ACSL1: variants seen among roughly 807,000 people sequenced by gnomAD.
The protein encoded by ACSL1 is long-chain-fatty-acid--CoA ligase 1.
In ACSL1, 41 loss-of-function variants were observed where a neutral mutation model predicts 98.4. That is an observed-to-expected ratio of 0.42 (90% CI 0.32 to 0.54). The LOEUF is 0.54. Ranked by LOEUF, ACSL1 falls within the 20% of genes least tolerant of loss-of-function variation. The pLI is 0.13. For synonymous variants in ACSL1, 316 were observed against 322.7 expected, an observed-to-expected ratio of 0.98 and a Z score of 0.22; for missense variants, 734 against 883.1, an observed-to-expected ratio of 0.83 and a Z score of 2.14.
At chr4:184,792,470 C>CT (rs1381258946) in intron 2 of ACSL1, among the ~76,000 whole-genome samples, 1 of 152,180 alleles carries the variant, frequency 6.6e-6, no homozygotes, top group Non-Finnish European at 1.5e-5. Flanking sequence ...GGGGCAGGCT[C>CT]TGTCGCCCAG....
chr4:184,760,991 C>T (rs1579829610), intron 17 of ACSL1, among the ~76,000 whole-genome samples: 1 of 152,330 alleles, frequency 6.6e-6, no homozygotes, highest in South Asian at 2.1e-4. Flanking sequence ...GCTCTTGGCC[C>T]TTTGGGAAGA....
At position 184,765,984 on chromosome 4, in the gene ACSL1, C is replaced by T. The variant is rs756415532; in HGVS notation, c.1266G>A (p.Ser422=). ...TCAGCCGGACTCTTCCGCCCAGGCT[C>T]GACTTTCAGGGAGGGAGAGTGGGAG... ...WDRLIFHKVQ[S]SLGGRVRLMV... The change falls in exon 14 of 21, where the codon TCG becomes TCA. Residue 422 remains serine, a splice_region_variant and synonymous_variant. Coordinates refer to ENST00000281455, the MANE Select transcript of ACSL1 (RefSeq NM_001995.5). The T allele has an allele frequency of 1.5e-5, 24 of 1,613,502 alleles. No individual in the cohort carries two copies. The highest frequency in any genetic ancestry group is 3.3e-4 in the Middle Eastern group (2 of 6,080).
intron 2 of ACSL1, chr4:184,798,548 T>C (rs1769860870): frequency 5.4e-6 from 1 of 184,016 alleles, no homozygotes; most frequent in Non-Finnish European, 1.2e-5. Context: ...GCCACTTGCA[T>C]GGGGCTCATC....
At chr4:184,815,332 TA>T (rs1172027364) in intron 1 of ACSL1, among the ~76,000 whole-genome samples, 2 of 152,130 alleles carry the variant, frequency 1.3e-5, no homozygotes, top group African/African-American at 4.8e-5. Context: ...AGCCGCATTG[TA>T]AGGCAACCGT....
rs778054355 is a variant in ACSL1, at chr4:184,768,463, TG to T, written c.994-14del. 1.3e-6 allele frequency: 2 copies of T among 1,598,532 alleles called. No homozygotes were observed. Among genetic ancestry groups the T allele is most frequent in the Non-Finnish European group, 1.7e-6 (2 of 1,175,178 alleles). On this transcript the variant is annotated splice_polypyrimidine_tract_variant and intron_variant, in intron 11 of 20. Transcript: ENST00000281455. ...ACAGCATTACACACTATAGGGGTAA[TG>T]GAAAAAACAAACATTTTATCACCAC...
intron 1 of ACSL1, among the ~76,000 whole-genome samples, chr4:184,819,459 A>G (rs1406198425): frequency 2.0e-5 from 3 of 152,070 alleles, no homozygotes; most frequent in Admixed American, 6.6e-5. Flanking sequence ...TACTCAACAC[A>G]AACTTTATCC....
chr4:184,786,418 GCACACACACACACACACACACA>G (rs61564967), intron 3 of ACSL1, among the ~76,000 whole-genome samples: 4 of 138,844 alleles, frequency 2.9e-5, no homozygotes, highest in Non-Finnish European at 6.5e-5. Flanking sequence ...TGGTGGCAAA[GCACACACACACACACACACACA>G]CACACACACA....
At chr4:184,777,506 GAA>G (rs1765486694) in intron 5 of ACSL1, among the ~76,000 whole-genome samples, 1 of 151,044 alleles carries the variant, frequency 6.6e-6, no homozygotes, top group African/African-American at 2.4e-5. Flanking sequence ...GGGAAGGAAG[GAA>G]AGAGAGAGAG....
chr4:184,766,675 C>T lies in ACSL1; in HGVS notation c.1210G>A (p.Gly404Ser), dbSNP rs1221861406. Residue 404 changes from glycine (G) to serine (S), a missense_variant, in exon 13 of 21, where the codon GGC becomes AGC. By Grantham distance (56) the Gly-to-Ser change is moderately conservative. Transcript: ENST00000281455. The surrounding 1 kb of genome is among the most constrained non-coding windows in gnomAD (Gnocchi z 4.8). The stretch of plus-strand genomic sequence containing the variant: ...CACAGGCTGTTGTTTCTGATGATGC[C>T]GCTGCGAAGCTCTGCTTCTTTCCTC... ...SKRKEAELRSGIIRNNSLWDR... is the reference protein window; with the variant it reads ...SKRKEAELRSSIIRNNSLWDR... The T allele has an allele frequency of 8.1e-6, 13 of 1,614,010 alleles. No homozygotes were observed. The highest frequency in any genetic ancestry group is 2.2e-5 in the East Asian group (1 of 44,894).
chr4:184,777,050 T>A (rs1030826058), intron 5 of ACSL1, 67 bp from the exon 6 acceptor site: 1 of 1,374,692 alleles, frequency 7.3e-7, no homozygotes, highest in Non-Finnish European at 1.0e-6. Flanking sequence ...AGGAGAACAA[T>A]ACTCAAGAGA....
In ACSL1 at chr4:184,768,324, A is replaced by G. The variant is rs749673977; in HGVS notation, c.1120T>C (p.Phe374Leu). Reference sequence around the variant, plus strand: ...CGCTGCTTGGAACTTACTCGGTCAAACATCCGGTTCAGCAGTCTTGGAACC... The same window carrying G: ...CGCTGCTTGGAACTTACTCGGTCAAGCATCCGGTTCAGCAGTCTTGGAACC... Reference protein sequence around the residue: ...PVVPRLLNRMFDRIFGQANTT... With the variant: ...PVVPRLLNRMLDRIFGQANTT... The change falls in exon 12 of 21, where the codon TTT becomes CTT. Residue 374 changes from phenylalanine to leucine, a missense_variant. Coordinates refer to ENST00000281455, the MANE Select transcript of ACSL1 (RefSeq NM_001995.5). The G allele has an allele frequency of 1.2e-6, 2 of 1,611,742 alleles. No homozygotes were observed. The highest frequency in any genetic ancestry group is 4.5e-5 in the East Asian group (2 of 44,854).
rs962742735 is a variant in ACSL1 at position 184,803,617 on chromosome 4, C to T, written c.-32-71G>A. 3 of 1,124,958 alleles carry T rather than the reference C, an allele frequency of 2.7e-6. No individual in the cohort carries two copies. Among genetic ancestry groups the T allele is most frequent in the Admixed American group, 3.6e-5 (1 of 28,070 alleles). 69.7% of individuals were successfully genotyped at this position (1,124,958 alleles called of 1,614,324 possible). A position where few individuals can be genotyped will look rare whatever the true frequency, so the allele number is the denominator to read the frequency against. On this transcript the variant is annotated intron_variant, in intron 1 of 20. Transcript: ENST00000281455. This position sits in a 1 kb window ranked among gnomAD's most constrained non-coding sequence, Gnocchi z 4.8. ...CCCTCTCCAGAACTCCAAAATTCCA[C>T]CGGCCAGCCATCTAATTGGGTAGCT...
chr4:184,819,482 A>C (rs1242437183), intron 1 of ACSL1, among the ~76,000 whole-genome samples: 1 of 152,106 alleles, frequency 6.6e-6, no homozygotes, highest in Non-Finnish European at 1.5e-5. Context: ...GCAAAAGCAC[A>C]GACTTGAGTC....
chr4:184,820,269 G>A (rs532062039), intron 1 of ACSL1, among the ~76,000 whole-genome samples: 31 of 152,256 alleles, frequency 2.0e-4, no homozygotes, highest in African/African-American at 7.0e-4. Flanking sequence ...CGCCCACCTC[G>A]GCCTCCCAAA....
intron 2 of ACSL1, among the ~76,000 whole-genome samples, chr4:184,793,917 T>C (rs760978692): frequency 3.5e-4 from 54 of 152,326 alleles, no homozygotes; most frequent in Middle Eastern, 3.4e-3. Flanking sequence ...TAAAATGGCA[T>C]AGTATTTGCA....
intron 1 of ACSL1, chr4:184,815,149 T>C (rs1772511161): frequency 4.4e-6 from 2 of 455,428 alleles, no homozygotes; most frequent in Non-Finnish European, 4.4e-6. Context: ...ACAGTACGCA[T>C]GCACCAGGCA....
chr4:184,812,060 A>T (rs1425834533), intron 1 of ACSL1: 3 of 537,016 alleles, frequency 5.6e-6, no homozygotes, highest in Non-Finnish European at 7.1e-6. Flanking sequence ...AATCCTACAC[A>T]ATCCCCTCTA....
rs187923439 is a variant in ACSL1 at position 184,814,741 on chromosome 4, T to C, written c.-33+11175A>G. ...CCACCTGCTCCACGAAGGATTTAGG[T>C]AGTGACCTGTCCTCAGAACAGAATG... On this transcript the variant is annotated intron_variant, in intron 1 of 20. Coordinates refer to ENST00000281455, the MANE Select transcript of ACSL1 (RefSeq NM_001995.5). Among the ~76,000 whole-genome samples the C allele has an allele frequency of 3.2e-3, 489 of 152,254 alleles. 2 individuals are homozygous for C. The highest frequency in any genetic ancestry group is 5.2e-3 in the Non-Finnish European group (352 of 68,016).
intron 16 of ACSL1, among the ~76,000 whole-genome samples, 159 bp from the exon 17 acceptor site, chr4:184,762,682 C>T (rs956395076): frequency 3.3e-5 from 5 of 152,242 alleles, no homozygotes; most frequent in East Asian, 1.9e-4. Flanking sequence ...CCAGGGTCTG[C>T]GAGAGATCTC....
Sources: allele counts gnomAD v4.1 joint callset (sites outside exome capture counted in the v4.1 genomes callset), GRCh38; gene constraint gnomAD v4.1.1; non-coding constraint Gnocchi (gnomAD v3.1); transcripts MANE v1.5; gene names NCBI Gene and HGNC (gene_info 2026-07-23, HGNC 2026-07-21).